KHDRBS2: variants seen among roughly 807,000 people sequenced by gnomAD.
KHDRBS2 encodes the protein KH domain-containing, RNA-binding, signal transduction-associated protein 2.
A neutral mutation model predicts 44.3 loss-of-function variants in KHDRBS2; 26 were observed. The ratio of observed to expected loss-of-function variants is 0.59; its 90% CI spans 0.43 to 0.81. The LOEUF (loss-of-function observed/expected upper bound fraction) is 0.81. Among genes scored for constraint, KHDRBS2 ranks in the 40% least tolerant of loss-of-function variants. KHDRBS2 has a pLI of 0.00. For missense variants in KHDRBS2, 476 were observed against 433.1 expected (o/e 1.10, Z -0.88); for synonymous variants, 194 against 151.1 (o/e 1.28, Z -2.08).
At chr6:62,032,299 C>T (rs928420755) in intron 3 of KHDRBS2, among the ~76,000 whole-genome samples, 1 of 151,972 alleles carries the variant, frequency 6.6e-6, no homozygotes, top group Non-Finnish European at 1.5e-5. Context: ...AATCAGCTGC[C>T]AGCGCAGCTA....
the KHDRBS2 span, among the ~76,000 whole-genome samples, chr6:61,650,131 C>G: frequency 6.6e-6 from 1 of 152,136 alleles, no homozygotes; most frequent in Non-Finnish European, 1.5e-5. Context: ...GCAGCTCCAG[C>G]AATTTGAGTG....
chr6:62,130,031 T>A (rs1205190708), intron 2 of KHDRBS2, among the ~76,000 whole-genome samples: 1 of 152,202 alleles, frequency 6.6e-6, no homozygotes, highest in Non-Finnish European at 1.5e-5. Context: ...TTCCAGATAA[T>A]TTTTTAAAAA....
chr6:61,557,729 A>G, the KHDRBS2 span, among the ~76,000 whole-genome samples: 1 of 152,206 alleles, frequency 6.6e-6, no homozygotes, highest in Non-Finnish European at 1.5e-5. Context: ...TTTAACAACA[A>G]CTGAATTTGG....
intron 3 of KHDRBS2, among the ~76,000 whole-genome samples, chr6:62,030,018 C>T (rs1381675052): frequency 6.6e-6 from 1 of 151,936 alleles, no homozygotes; most frequent in Non-Finnish European, 1.5e-5. Flanking sequence ...AAAAGACATG[C>T]ACTGAACTTA....
At chr6:62,107,368 T>C (rs1803685342) in intron 2 of KHDRBS2, among the ~76,000 whole-genome samples, 1 of 152,112 alleles carries the variant, frequency 6.6e-6, no homozygotes, top group African/African-American at 2.4e-5. Flanking sequence ...ATAAAATATC[T>C]AGGAATCCAA....
intron 6 of KHDRBS2, among the ~76,000 whole-genome samples, chr6:61,763,682 T>G (rs538146001): frequency 1.1e-4 from 17 of 152,308 alleles, no homozygotes; most frequent in Admixed American, 7.2e-4. Flanking sequence ...ACTGCAAGTT[T>G]TTAAAATTAG....
chr6:61,770,659 A>G (rs975179497), intron 6 of KHDRBS2, among the ~76,000 whole-genome samples: 2 of 152,196 alleles, frequency 1.3e-5, no homozygotes, highest in African/African-American at 4.8e-5. Flanking sequence ...AGAAATGAAC[A>G]AAGCCTCCAA....
At chr6:62,109,345 C>T (rs1804452461) in intron 2 of KHDRBS2, among the ~76,000 whole-genome samples, 1 of 151,606 alleles carries the variant, frequency 6.6e-6, no homozygotes, top group Non-Finnish European at 1.5e-5. Flanking sequence ...ATGAAAATTC[C>T]TTATTTTTTT....
the KHDRBS2 span, among the ~76,000 whole-genome samples, chr6:61,587,361 T>TATC: frequency 6.2e-5 from 6 of 96,024 alleles, no homozygotes; most frequent in African/African-American, 2.4e-4. Context: ...CAGCTTTTTT[T>TATC]TATCTCTCTC....
chr6:62,227,086 G>A (rs1036373306), intron 1 of KHDRBS2, among the ~76,000 whole-genome samples: 2 of 152,142 alleles, frequency 1.3e-5, no homozygotes, highest in Admixed American at 6.6e-5. Context: ...GATGGGAACA[G>A]CACTGAATTT....
intron 7 of KHDRBS2, among the ~76,000 whole-genome samples, chr6:61,714,814 C>A (rs1194799279): frequency 2.0e-5 from 3 of 151,834 alleles, no homozygotes; most frequent in African/African-American, 7.2e-5. Flanking sequence ...ACAAATACTG[C>A]ATTTCTCCCT....
the KHDRBS2 span, among the ~76,000 whole-genome samples, chr6:61,631,857 GA>G: frequency 6.6e-6 from 1 of 152,052 alleles, no homozygotes; most frequent in Non-Finnish European, 1.5e-5. Flanking sequence ...TTTTCCTTAG[GA>G]ATGGTCATTT....
chr6:61,941,226 G>A (rs1562482727), intron 4 of KHDRBS2, among the ~76,000 whole-genome samples: 1 of 152,120 alleles, frequency 6.6e-6, no homozygotes, highest in Non-Finnish European at 1.5e-5. Context: ...CACCATAGCT[G>A]GCACCTACCT....
chr6:62,257,910 A>T (rs924733175), intron 1 of KHDRBS2, among the ~76,000 whole-genome samples: 2 of 151,994 alleles, frequency 1.3e-5, no homozygotes, highest in East Asian at 3.9e-4. Flanking sequence ...CTCTACGACG[A>T]CCCAGCTTCT....
intron 2 of KHDRBS2, among the ~76,000 whole-genome samples, chr6:62,168,705 T>C (rs1220741635): frequency 6.6e-6 from 1 of 152,094 alleles, no homozygotes; most frequent in African/African-American, 2.4e-5. Context: ...GTTTATTCTT[T>C]TGGTATCTGT....
the KHDRBS2 span, among the ~76,000 whole-genome samples, chr6:61,571,800 C>G: frequency 1.3e-5 from 2 of 152,132 alleles, no homozygotes; most frequent in African/African-American, 2.4e-5. Flanking sequence ...CTCTGGGAGA[C>G]AGCATACATT....
chr6:62,282,790 T>C (rs2150197864), intron 1 of KHDRBS2, among the ~76,000 whole-genome samples: 1 of 152,284 alleles, frequency 6.6e-6, no homozygotes, highest in East Asian at 1.9e-4. Context: ...TATACAAACA[T>C]CACTTCGTTG....
rs368700318 is a variant in KHDRBS2 at position 61,798,587 on chromosome 6, G to T, written c.811-65823C>A. Among the ~76,000 whole-genome samples, 3 of 151,978 alleles carry T rather than the reference G, an allele frequency of 2.0e-5. No homozygotes were observed. In the South Asian group the frequency reaches 6.2e-4, roughly 32 times the overall value. ...ATAAAAGATGATTTTAATGACATCA[G>T]AATTATTTCTAAATGTAAATGTTTT... On this transcript the variant is annotated intron_variant, in intron 6 of 8. Transcript: ENST00000281156.
chr6:61,983,205 T>TTTCTTTTCTTTCTTTCTTTC (rs1173704242), intron 3 of KHDRBS2, among the ~76,000 whole-genome samples: 1 of 54,730 alleles, frequency 1.8e-5, no homozygotes. Flanking sequence ...TTTCATTTTC[T>TTTCTTTTCTTTCTTTCTTTC]TTCTTTCTTT....
Sources: gnomAD v4.1 joint callset for allele counts (sites outside exome capture counted in the v4.1 genomes callset) on GRCh38, gnomAD v4.1.1 for gene constraint, MANE v1.5 for transcripts, NCBI Gene and HGNC (gene_info 2026-07-23, HGNC 2026-07-21) for gene names.